The following NTN4 variants were observed in gnomAD, a reference collection of about 807,000 sequenced individuals.
NTN4 encodes netrin 4, also known as netrin-4.
NTN4 carries 32 observed loss-of-function variants against 73.6 expected under a neutral mutation model. The ratio of observed to expected loss-of-function variants is 0.44; its 90% CI spans 0.33 to 0.58. NTN4 has a LOEUF of 0.58. NTN4 is among the 20% of genes least tolerant of loss of function. NTN4 has a pLI of 0.04. For synonymous variants in NTN4, 258 were observed against 287.5 expected (o/e 0.90, Z 1.04); for missense variants, 654 against 798.3 (o/e 0.82, Z 2.18).
At chr12:95,763,171 A>G (rs901128067) in intron 2 of NTN4, among the ~76,000 whole-genome samples, 4 of 152,218 alleles carry the variant, frequency 2.6e-5, no homozygotes, top group Admixed American at 6.5e-5. Context: ...AATAATGCAT[A>G]AGATTCCAAT....
chr12:95,686,543 G>C (rs1263186182), intron 5 of NTN4, among the ~76,000 whole-genome samples: 1 of 151,852 alleles, frequency 6.6e-6, no homozygotes, highest in Non-Finnish European at 1.5e-5. Context: ...TGGATCACTT[G>C]AGGTCAGGAG....
intron 7 of NTN4, among the ~76,000 whole-genome samples, chr12:95,674,963 A>G (rs932123419): frequency 2.0e-5 from 3 of 152,242 alleles, no homozygotes; most frequent in African/African-American, 7.2e-5. Flanking sequence ...TGAATGTCCT[A>G]TAGTCCTAAA....
intron 1 of NTN4, 93 bp from the exon 2 acceptor site, chr12:95,787,561 C>T: frequency 3.2e-6 from 4 of 1,267,132 alleles, no homozygotes; most frequent in Non-Finnish European, 4.4e-6. Context: ...AGGATCTCCC[C>T]AAAAGCGCTT....
chr12:95,769,779 G>A (rs187717400), intron 2 of NTN4, among the ~76,000 whole-genome samples: 11 of 120,674 alleles, frequency 9.1e-5, no homozygotes, highest in African/African-American at 3.1e-4. Context: ...TTTTTGAGAC[G>A]GAGTTTCACT....
intron 3 of NTN4, among the ~76,000 whole-genome samples, chr12:95,727,798 T>G (rs4340128): frequency 0.36 from 53,994 of 152,052 alleles, 11,298 homozygotes; most frequent in Non-Finnish European, 0.47. Flanking sequence ...CTTTCCCACC[T>G]GAATTTTAGG....
intron 5 of NTN4, among the ~76,000 whole-genome samples, chr12:95,709,237 G>A (rs998839543): frequency 6.6e-6 from 1 of 152,084 alleles, no homozygotes; most frequent in Non-Finnish European, 1.5e-5. Context: ...CACTGTTTTT[G>A]AGCTAGAACA....
intron 3 of NTN4, among the ~76,000 whole-genome samples, chr12:95,713,721 A>G (rs1295796516): frequency 2.0e-5 from 3 of 152,288 alleles, no homozygotes; most frequent in African/African-American, 7.2e-5. Flanking sequence ...TCATTGCAAA[A>G]TGACATTAAT....
At chr12:95,753,852 G>A (rs1007587333) in intron 2 of NTN4, among the ~76,000 whole-genome samples, 3 of 151,944 alleles carry the variant, frequency 2.0e-5, no homozygotes, top group East Asian at 1.9e-4. Context: ...AGTCTCATTC[G>A]ACACCAGACC....
chr12:95,710,186 A>G (rs1383861232), intron 5 of NTN4, among the ~76,000 whole-genome samples: 1 of 152,204 alleles, frequency 6.6e-6, no homozygotes, highest in Admixed American at 6.5e-5. Flanking sequence ...CCTGTTTACC[A>G]AAATGCAGTG....
chr12:95,734,820 A>G (rs1367463305), intron 3 of NTN4, among the ~76,000 whole-genome samples: 1 of 152,146 alleles, frequency 6.6e-6, no homozygotes, highest in Non-Finnish European at 1.5e-5. Context: ...CGGGTGGATC[A>G]CCTGAGGTCA....
In NTN4 at chr12:95,790,190, A is replaced by T; in HGVS notation, c.55+65T>A. ...CAGCCCTGGCTCCCCTGCACCCCCG[A>T]GTCCCGAGATGGGTTAGAGAAGCAG... On this transcript the variant is annotated intron_variant, in intron 1 of 9. Transcript: ENST00000343702. This position sits in a 1 kb window ranked among gnomAD's most constrained non-coding sequence, Gnocchi z 6.5. 1 of 1,418,790 alleles carries T rather than the reference A, an allele frequency of 7.0e-7. No individual in the cohort carries two copies. The highest frequency in any genetic ancestry group is 1.3e-5 in the South Asian group (1 of 76,704). 87.9% of individuals were successfully genotyped at this position (1,418,790 alleles called of 1,614,324 possible). A position where few individuals can be genotyped will look rare whatever the true frequency, so the allele number is the denominator to read the frequency against.
rs1362970 is a variant in NTN4 at position 95,658,750 on chromosome 12, C to A, written c.*336G>T. The A allele has an allele frequency of 0.47, 78,708 of 168,510 alleles. 18,809 individuals are homozygous for A. The highest frequency in any genetic ancestry group is 0.56 in the African/African-American group (23,832 of 42,270). 10.4% of individuals were successfully genotyped at this position (168,510 alleles called of 1,614,324 possible). A position where few individuals can be genotyped will look rare whatever the true frequency, so the allele number is the denominator to read the frequency against. ...AAGTAGCATCAAACGTAAGTAACAT[C>A]GCTGAAGCTGGAAGGCGTCCTTGTT... On this transcript the variant is annotated 3_prime_UTR_variant, in exon 10 of 10. Transcript: ENST00000343702.
chr12:95,716,570 C>A (rs2078607095), intron 3 of NTN4, among the ~76,000 whole-genome samples: 1 of 151,926 alleles, frequency 6.6e-6, no homozygotes, highest in Admixed American at 6.6e-5. Flanking sequence ...AATATTATTT[C>A]TATCTCTCTC....
chr12:95,695,501 G>A (rs1411611018), intron 5 of NTN4, among the ~76,000 whole-genome samples: 2 of 151,920 alleles, frequency 1.3e-5, no homozygotes, highest in Non-Finnish European at 2.9e-5. Context: ...AGTAGCTGGG[G>A]TTACAGGTGT....
intron 3 of NTN4, among the ~76,000 whole-genome samples, chr12:95,735,594 T>A (rs894219676): frequency 1.3e-5 from 2 of 152,218 alleles, no homozygotes; most frequent in African/African-American, 4.8e-5. Flanking sequence ...CATTCTAACA[T>A]CCTTTTGGAA....
In NTN4 at chr12:95,789,634, G is replaced by A. The variant is rs559881577; in HGVS notation, c.55+621C>T. On this transcript the variant is annotated intron_variant, in intron 1 of 9. Coordinates refer to ENST00000343702, the MANE Select transcript of NTN4 (RefSeq NM_021229.4). The surrounding 1 kb of genome is among the most constrained non-coding windows in gnomAD (Gnocchi z 4.0). The stretch of plus-strand genomic sequence containing the variant: ...AGACCCGCCTCCGACCTCCCGCAGA[G>A]TCTCTGCCAGGGTACCAATTCCCCA... Among the ~76,000 whole-genome samples the A allele has an allele frequency of 2.6e-5, 4 of 152,230 alleles. No homozygotes were observed. The highest frequency in any genetic ancestry group is 5.9e-5 in the Non-Finnish European group (4 of 68,040).
chr12:95,740,686 A>G (rs1391137278), intron 2 of NTN4, among the ~76,000 whole-genome samples: 1 of 152,208 alleles, frequency 6.6e-6, no homozygotes, highest in Non-Finnish European at 1.5e-5. Flanking sequence ...TCTACCTCCA[A>G]AGATAACCAG....
At chr12:95,755,324 G>A (rs2078940400) in intron 2 of NTN4, among the ~76,000 whole-genome samples, 1 of 152,200 alleles carries the variant, frequency 6.6e-6, no homozygotes, top group African/African-American at 2.4e-5. Context: ...TGCTTCCATG[G>A]ATAGGTGGCC....
At chr12:95,738,192 C>T in intron 2 of NTN4, 48 bp from the exon 3 acceptor site, 1 of 1,525,102 alleles carries the variant, frequency 6.6e-7, no homozygotes, top group Non-Finnish European at 8.9e-7. Flanking sequence ...TGTGCGCAAA[C>T]CCTGAATTGT....
Sources: allele counts gnomAD v4.1 joint callset (sites outside exome capture counted in the v4.1 genomes callset), GRCh38; gene constraint gnomAD v4.1.1; non-coding constraint Gnocchi (gnomAD v3.1); transcripts MANE v1.5; gene names NCBI Gene and HGNC (gene_info 2026-07-23, HGNC 2026-07-21).